GRIA1: variants seen among roughly 807,000 people sequenced by gnomAD.
GRIA1 encodes glutamate receptor 1.
Under a neutral mutation model 99.2 loss-of-function variants are expected in GRIA1, and 31 were observed. That is an observed-to-expected ratio of 0.31 (90% CI 0.23 to 0.42). GRIA1 has a LOEUF of 0.42. GRIA1 is among the 10% of genes least tolerant of loss of function. The pLI, the probability that GRIA1 is intolerant of heterozygous loss-of-function variation, is 1.00. For synonymous variants in GRIA1, 438 were observed against 432.4 expected, an observed-to-expected ratio of 1.01 and a Z score of -0.16; for missense variants, 782 against 1,157.5, an observed-to-expected ratio of 0.68 and a Z score of 4.71.
intron 11 of GRIA1, among the ~76,000 whole-genome samples, chr5:153,708,858 G>T (rs1474721148): frequency 6.6e-6 from 1 of 152,192 alleles, no homozygotes; most frequent in Admixed American, 6.5e-5. Flanking sequence ...TTGGCTGAAA[G>T]GTCTGACAGA....
intron 2 of GRIA1, among the ~76,000 whole-genome samples, chr5:153,537,460 C>T (rs1183559016): frequency 6.6e-6 from 1 of 152,158 alleles, no homozygotes; most frequent in Admixed American, 6.5e-5. Context: ...CGCAGCCTCC[C>T]AGTCAAGCTA....
intron 11 of GRIA1, among the ~76,000 whole-genome samples, chr5:153,739,470 A>G (rs1761630220): frequency 6.6e-6 from 1 of 152,206 alleles, no homozygotes; most frequent in Admixed American, 6.5e-5. Context: ...ATAAATGTCA[A>G]TGACAGCATC....
intron 14 of GRIA1, chr5:153,795,581 C>T (rs150257814): frequency 3.1e-6 from 5 of 1,596,004 alleles, no homozygotes; most frequent in African/African-American, 2.7e-5. Context: ...GCAAGGACTC[C>T]GGAAGTAAGG....
At chr5:153,805,075 T>G (rs1317044966) in intron 15 of GRIA1, among the ~76,000 whole-genome samples, 4 of 152,190 alleles carry the variant, frequency 2.6e-5, no homozygotes, top group Non-Finnish European at 4.4e-5. Flanking sequence ...TTCTATAAAA[T>G]GGAGGCAGTG....
intron 11 of GRIA1, among the ~76,000 whole-genome samples, chr5:153,757,682 C>T (rs908420905): frequency 1.4e-4 from 22 of 152,086 alleles, no homozygotes; most frequent in African/African-American, 5.3e-4. Flanking sequence ...AACTTGCTAA[C>T]CAATAAGCCT....
intron 5 of GRIA1, among the ~76,000 whole-genome samples, chr5:153,663,012 G>A (rs1269664241): frequency 6.6e-6 from 1 of 152,154 alleles, no homozygotes; most frequent in East Asian, 1.9e-4. Flanking sequence ...CTCCAGAGCT[G>A]ACACTGCCCA....
intron 11 of GRIA1, among the ~76,000 whole-genome samples, chr5:153,729,008 G>T (rs1405029099): frequency 7.0e-6 from 1 of 142,494 alleles, no homozygotes; most frequent in Non-Finnish European, 1.5e-5. Flanking sequence ...TGATAGACTG[G>T]ATTAAGAAAA....
chr5:153,578,140 G>A (rs114640463), intron 2 of GRIA1, among the ~76,000 whole-genome samples: 13,592 of 93,002 alleles, frequency 0.15, 849 homozygotes, highest in South Asian at 0.34. Context: ...AGCAGAGAGA[G>A]ACTCTGTCAA....
intron 2 of GRIA1, among the ~76,000 whole-genome samples, chr5:153,641,987 G>A (rs1446635976): frequency 6.6e-6 from 1 of 152,226 alleles, no homozygotes; most frequent in Non-Finnish European, 1.5e-5. Context: ...GATACTGGGT[G>A]TCGAATGGTG....
chr5:153,763,875 C>T (rs1294975407), intron 11 of GRIA1, among the ~76,000 whole-genome samples: 1 of 152,130 alleles, frequency 6.6e-6, no homozygotes, highest in African/African-American at 2.4e-5. Context: ...GGTGGCATTC[C>T]CCACAATGGT....
At chr5:153,624,668 G>A (rs1767409480) in intron 2 of GRIA1, among the ~76,000 whole-genome samples, 4 of 152,100 alleles carry the variant, frequency 2.6e-5, no homozygotes, top group South Asian at 2.1e-4. Flanking sequence ...CTCAACAGGG[G>A]GGAAAAAAAT....
chr5:153,771,943 G>A (rs1763910133), intron 13 of GRIA1, among the ~76,000 whole-genome samples: 1 of 152,002 alleles, frequency 6.6e-6, no homozygotes, highest in South Asian at 2.1e-4. Flanking sequence ...ACAGAAAGAT[G>A]AAAAGAAAAT....
At chr5:153,648,986 G>A (rs1754351211) in intron 3 of GRIA1, among the ~76,000 whole-genome samples, 1 of 152,150 alleles carries the variant, frequency 6.6e-6, no homozygotes, top group South Asian at 2.1e-4. Flanking sequence ...TATGTTGGGG[G>A]GACACAATGT....
At chr5:153,733,798 G>A (rs1406189463) in intron 11 of GRIA1, among the ~76,000 whole-genome samples, 2 of 152,120 alleles carry the variant, frequency 1.3e-5, no homozygotes, top group Non-Finnish European at 2.9e-5. Context: ...AGGGTACATT[G>A]ATCAAGAGGA....
At chr5:153,594,848 G>C (rs1764292257) in intron 2 of GRIA1, among the ~76,000 whole-genome samples, 1 of 151,826 alleles carries the variant, frequency 6.6e-6, no homozygotes, top group Non-Finnish European at 1.5e-5. Flanking sequence ...TGGCTGCATA[G>C]GCTAGGGCAG....
chr5:153,560,511 G>A (rs758667865), intron 2 of GRIA1, among the ~76,000 whole-genome samples: 26 of 152,112 alleles, frequency 1.7e-4, no homozygotes, highest in Non-Finnish European at 2.4e-4. Context: ...GTGTTTTTCC[G>A]TGCTGTCCTC....
At chr5:153,629,865 C>T (rs906370614) in intron 2 of GRIA1, among the ~76,000 whole-genome samples, 1 of 152,176 alleles carries the variant, frequency 6.6e-6, no homozygotes, top group Non-Finnish European at 1.5e-5. Context: ...TGGAATGACC[C>T]TCTTAGAGGC....
At chr5:153,685,636 C>T (rs1171747702) in intron 7 of GRIA1, among the ~76,000 whole-genome samples, 1 of 152,154 alleles carries the variant, frequency 6.6e-6, no homozygotes, top group Admixed American at 6.5e-5. Context: ...GCTAAATTGC[C>T]TGAGGGCACT....
chr5:153,623,701 C>T (rs114013931), intron 2 of GRIA1, among the ~76,000 whole-genome samples: 4 of 152,282 alleles, frequency 2.6e-5, no homozygotes, highest in Admixed American at 2.0e-4. Context: ...ATTGAGTCAG[C>T]TTCATCACGC....
Sources: gnomAD v4.1 joint callset for allele counts (sites outside exome capture counted in the v4.1 genomes callset) on GRCh38, gnomAD v4.1.1 for gene constraint, MANE v1.5 for transcripts, NCBI Gene and HGNC (gene_info 2026-07-23, HGNC 2026-07-21) for gene names.